Variants in APP observed in about 807,000 individuals in gnomAD.
APP encodes the protein amyloid beta precursor protein, also known as amyloid-beta precursor protein.
Under a neutral mutation model 101.4 loss-of-function variants are expected in APP, and 31 were observed. The ratio of observed to expected loss-of-function variants is 0.31; its 90% CI spans 0.23 to 0.41. The LOEUF (loss-of-function observed/expected upper bound fraction) is 0.41. APP is among the 10% of genes least tolerant of loss of function. APP has a pLI of 1.00. For synonymous variants in APP, 366 were observed against 364.4 expected (o/e 1.00, Z -0.05); for missense variants, 839 against 1,003.7 (o/e 0.84, Z 2.22).
intron 1 of APP, among the ~76,000 whole-genome samples, chr21:26,121,332 G>A (rs981401616): frequency 2.0e-5 from 3 of 152,106 alleles, no homozygotes; most frequent in Non-Finnish European, 2.9e-5. Context: ...GCACAGTTAG[G>A]ATATTGCCAG....
intron 6 of APP, among the ~76,000 whole-genome samples, chr21:26,017,609 TG>T (rs34965345): frequency 1 from 152,190 of 152,190 alleles, 76,095 homozygotes; most frequent in Non-Finnish European, 1. Flanking sequence ...GCTGAATAAA[TG>T]GAACATAAGG....
At chr21:26,106,725 G>A (rs1261372064) in intron 2 of APP, among the ~76,000 whole-genome samples, 1 of 152,142 alleles carries the variant, frequency 6.6e-6, no homozygotes, top group African/African-American at 2.4e-5. Flanking sequence ...AGCTTCCTTA[G>A]GCCCAAATTC....
chr21:26,059,188 A>C (rs2046167847), intron 3 of APP, among the ~76,000 whole-genome samples: 1 of 152,234 alleles, frequency 6.6e-6, no homozygotes. Context: ...TTCTAGAGCC[A>C]TACACAGGTT....
chr21:25,952,000 G>A (rs975824609), intron 13 of APP, among the ~76,000 whole-genome samples: 1 of 151,956 alleles, frequency 6.6e-6, no homozygotes, highest in East Asian at 1.9e-4. Context: ...TAGTGTACAG[G>A]GTTCGTTATT....
At chr21:26,081,762 T>A (rs2061603538) in intron 3 of APP, among the ~76,000 whole-genome samples, 1 of 152,224 alleles carries the variant, frequency 6.6e-6, no homozygotes, top group African/African-American at 2.4e-5. Flanking sequence ...TTAATGCTCA[T>A]TACCCATCCT....
Position 26,153,963 on chromosome 21 carries a change from G to A in APP, c.57+16601C>T, listed in dbSNP as rs382358. Among the ~76,000 whole-genome samples the A allele has an allele frequency of 4.6e-5, 7 of 152,196 alleles. No homozygotes were observed. In the East Asian group the frequency reaches 1.2e-3, roughly 25 times the overall value. ...AGTTCATCCATCATGCATGCTTCACGTTGTAAAGCAAATATTTCACAAAAA... is the reference window on the plus strand; with the variant it reads ...AGTTCATCCATCATGCATGCTTCACATTGTAAAGCAAATATTTCACAAAAA... On this transcript the variant is annotated intron_variant, in intron 1 of 17. Coordinates refer to ENST00000346798, the MANE Select transcript of APP (RefSeq NM_000484.4).
At position 25,955,770 on chromosome 21, in the gene APP, T is replaced by A. The variant is rs1195877298; in HGVS notation, c.1459-15A>T. 7 of 1,613,874 alleles carry A rather than the reference T, an allele frequency of 4.3e-6. No homozygotes were observed. The African/African-American group carries it at 9.3e-5, about 22-fold the overall frequency. On this transcript the variant is annotated splice_polypyrimidine_tract_variant and intron_variant, in intron 11 of 17. Coordinates refer to ENST00000346798, the MANE Select transcript of APP (RefSeq NM_000484.4). Reference sequence around the variant, plus strand: ...ACGTGACGAGGCTGTGGGAGGAAAATGAAAAACTCTTTTTCAAGTTTGTGC... The same window carrying A: ...ACGTGACGAGGCTGTGGGAGGAAAAAGAAAAACTCTTTTTCAAGTTTGTGC...
At chr21:25,889,855 A>AAG (rs2146228130) in intron 17 of APP, among the ~76,000 whole-genome samples, 1 of 152,320 alleles carries the variant, frequency 6.6e-6, no homozygotes, top group Non-Finnish European at 1.5e-5. Context: ...TCAAAAAACA[A>AAG]AGAAACAACA....
At chr21:25,994,828 A>C (rs959980748) in intron 8 of APP, among the ~76,000 whole-genome samples, 1 of 152,262 alleles carries the variant, frequency 6.6e-6, no homozygotes, top group Non-Finnish European at 1.5e-5. Flanking sequence ...TTTCAAATCA[A>C]ATGTGCAGTT....
chr21:26,035,646 A>G (rs2045071826), intron 5 of APP, among the ~76,000 whole-genome samples: 1 of 152,210 alleles, frequency 6.6e-6, no homozygotes, highest in African/African-American at 2.4e-5. Flanking sequence ...CACGAACACA[A>G]CTTAAATTTG....
chr21:26,000,098 G>A lies in APP; in HGVS notation c.950C>T (p.Ala317Val). 1 of 1,614,146 alleles carries A rather than the reference G, an allele frequency of 6.2e-7. No homozygotes were observed. The highest frequency in any genetic ancestry group is 8.5e-7 in the Non-Finnish European group (1 of 1,180,018). Residue 317 changes from alanine (A) to valine (V), a missense_variant, in exon 7 of 18, where the codon GCC becomes GTC. Transcript: ENST00000346798. The stretch of plus-strand genomic sequence containing the variant: ...GCCACATCCGCCGTAAAAGAATGGG[G>A]CACACTTCCCTTCAGTCACATCAAA... ...WYFDVTEGKCAPFFYGGCGGN... is the reference protein window; with the variant it reads ...WYFDVTEGKCVPFFYGGCGGN...
chr21:25,981,521 T>A (rs899061385), intron 9 of APP, among the ~76,000 whole-genome samples: 1 of 152,204 alleles, frequency 6.6e-6, no homozygotes, highest in Admixed American at 6.5e-5. Flanking sequence ...AATGAATGAA[T>A]GAGGAATCTG....
At position 26,043,273 on chromosome 21, in the gene APP, T is replaced by C. The variant is rs558065512; in HGVS notation, c.662+7727A>G. Reference sequence around the variant, plus strand: ...TTTTTTGAGACAGAGTCTTGCTCTGTTGCCCAGGCTGAAGTGCAGTGGTGC... The same window carrying C: ...TTTTTTGAGACAGAGTCTTGCTCTGCTGCCCAGGCTGAAGTGCAGTGGTGC... On this transcript the variant is annotated intron_variant, in intron 5 of 17. Transcript: ENST00000346798. Among the ~76,000 whole-genome samples, 273 of 152,258 alleles carry C rather than the reference T, an allele frequency of 1.8e-3. 2 individuals are homozygous for C. Among genetic ancestry groups the C allele is most frequent in the African/African-American group, 6.4e-3 (264 of 41,554 alleles).
At chr21:26,054,965 T>C (rs1229865709) in intron 3 of APP, among the ~76,000 whole-genome samples, 1 of 152,162 alleles carries the variant, frequency 6.6e-6, no homozygotes, top group Non-Finnish European at 1.5e-5. Context: ...AGCTCAAACA[T>C]GTAAGATGTA....
rs9653649 is a variant in APP, at chr21:26,066,147, G to A, written c.356-12799C>T. 6.5e-3 allele frequency among the ~76,000 whole-genome samples: 985 copies of A among 152,268 alleles called. 7 individuals are homozygous for A. Among genetic ancestry groups the A allele is most frequent in the Non-Finnish European group, 0.012 (815 of 68,012 alleles). On this transcript the variant is annotated intron_variant, in intron 3 of 17. Transcript: ENST00000346798. The stretch of plus-strand genomic sequence containing the variant: ...AATCACCTGGGGGCCTTGTTAAAAT[G>A]CAGGTTTTGATTGGACAAGTCTAGG...
intron 14 of APP, among the ~76,000 whole-genome samples, chr21:25,907,605 G>GCT (rs1182920745): frequency 6.6e-6 from 1 of 152,174 alleles, no homozygotes; most frequent in East Asian, 1.9e-4. Context: ...TTATTCTCTT[G>GCT]CTCTCAGTAG....
chr21:26,101,095 C>CTTTT (rs35407047), intron 2 of APP, among the ~76,000 whole-genome samples: 11 of 79,344 alleles, frequency 1.4e-4, no homozygotes, highest in African/African-American at 4.0e-4. Flanking sequence ...TTTTTTTTTC[C>CTTTT]TTTTTTTTTT....
intron 13 of APP, among the ~76,000 whole-genome samples, chr21:25,953,908 G>C (rs2041199734): frequency 6.6e-6 from 1 of 152,176 alleles, no homozygotes; most frequent in Middle Eastern, 3.2e-3. Context: ...GAGGCATGTG[G>C]GTGATGGATG....
At chr21:25,933,826 T>C (rs2146404406) in intron 13 of APP, 1 of 152,268 alleles carries the variant, frequency 6.6e-6, no homozygotes, top group Admixed American at 6.5e-5. Context: ...GGTCATAAAT[T>C]TAAGACATGT....
Sources: gnomAD v4.1 joint callset for allele counts (sites outside exome capture counted in the v4.1 genomes callset) on GRCh38, gnomAD v4.1.1 for gene constraint, MANE v1.5 for transcripts, NCBI Gene and HGNC (gene_info 2026-07-23, HGNC 2026-07-21) for gene names.